USP7: variants seen among roughly 807,000 people sequenced by gnomAD.
The protein encoded by USP7 is ubiquitin C-terminal hydrolase 7.
In USP7, 9 loss-of-function variants were observed where a neutral mutation model predicts 162.9. The observed-to-expected ratio is 0.06, with a 90% CI of 0.03 to 0.10. The LOEUF (loss-of-function observed/expected upper bound fraction) is 0.10. Among genes scored for constraint, USP7 ranks in the 10% least tolerant of loss-of-function variants. USP7 has a pLI of 1.00. For synonymous variants in USP7, 562 were observed against 475.9 expected, an observed-to-expected ratio of 1.18 and a Z score of -2.35; for missense variants, 715 against 1,373.7, an observed-to-expected ratio of 0.52 and a Z score of 7.58.
chr16:8,934,022 T>C (rs2141237499), intron 1 of USP7, among the ~76,000 whole-genome samples: 1 of 152,242 alleles, frequency 6.6e-6, no homozygotes, highest in South Asian at 2.1e-4. Context: ...CTCCCAAAAG[T>C]GCTGAGATTA....
chr16:8,924,263 GCA>G (rs1172779122), intron 2 of USP7, among the ~76,000 whole-genome samples: 1 of 152,198 alleles, frequency 6.6e-6, no homozygotes, highest in Non-Finnish European at 1.5e-5. Flanking sequence ...TCCTGCGAAG[GCA>G]CAGTCCTCCC....
intron 2 of USP7, among the ~76,000 whole-genome samples, chr16:8,923,952 T>C (rs1019805103): frequency 6.6e-6 from 1 of 152,166 alleles, no homozygotes; most frequent in African/African-American, 2.4e-5. Context: ...AATGCTAACC[T>C]CATTGGTTCA....
intron 3 of USP7, among the ~76,000 whole-genome samples, chr16:8,922,300 C>T (rs1348369774): frequency 6.6e-6 from 1 of 152,160 alleles, no homozygotes; most frequent in Admixed American, 6.5e-5. Flanking sequence ...ACCAGCCTGG[C>T]CAACATGGTG....
chr16:8,932,100 T>C (rs1032909906), intron 1 of USP7, among the ~76,000 whole-genome samples: 2 of 152,094 alleles, frequency 1.3e-5, no homozygotes, highest in African/African-American at 4.8e-5. Context: ...ACGCTTAGAT[T>C]ACATCATAAA....
intron 1 of USP7, among the ~76,000 whole-genome samples, chr16:8,952,244 T>C (rs1899587399): frequency 6.6e-6 from 1 of 152,012 alleles, no homozygotes; most frequent in Non-Finnish European, 1.5e-5. Flanking sequence ...GGAGAGCCTG[T>C]CTCCAAAAAA....
intron 23 of USP7, 118 bp from the exon 24 acceptor site, chr16:8,898,757 A>C: frequency 1.3e-6 from 1 of 790,010 alleles, no homozygotes; most frequent in South Asian, 1.9e-5. Flanking sequence ...ATTTGGACCT[A>C]GCATGGGGTT....
intron 2 of USP7, among the ~76,000 whole-genome samples, chr16:8,925,966 A>G (rs540783981): frequency 1.7e-3 from 251 of 151,202 alleles, no homozygotes; most frequent in Non-Finnish European, 1.6e-3. Flanking sequence ...CATCCTGGCT[A>G]ACACGGTCAA....
chr16:8,963,268 C>T lies in USP7; in HGVS notation c.18G>A (p.Gln6=), dbSNP rs1361716710. Residue 6 remains glutamine, a synonymous_variant, in exon 1 of 31, where the codon CAG becomes CAA. Transcript: ENST00000344836. MNHQQ[Q]QQQQKAGEQQ... ...GCTCGCCCGCTTTCTGCTGCTGCTGCTGCTGCTGGTGGTTCATGTCGGCCG... is the reference window on the plus strand; with the variant it reads ...GCTCGCCCGCTTTCTGCTGCTGCTGTTGCTGCTGGTGGTTCATGTCGGCCG... 4 of 1,358,852 alleles carry T rather than the reference C, an allele frequency of 2.9e-6. No individual in the cohort carries two copies. Among genetic ancestry groups the T allele is most frequent in the Non-Finnish European group, 3.8e-6 (4 of 1,042,716 alleles). 84.2% of individuals were successfully genotyped at this position (1,358,852 alleles called of 1,614,324 possible). A position where few individuals can be genotyped will look rare whatever the true frequency, so the allele number is the denominator to read the frequency against.
At chr16:8,944,387 A>C (rs1166615513) in intron 1 of USP7, among the ~76,000 whole-genome samples, 1 of 152,298 alleles carries the variant, frequency 6.6e-6, no homozygotes, top group East Asian at 1.9e-4. Context: ...TGGAAGGTCC[A>C]TTTACACCTT....
At chr16:8,958,409 G>C (rs916677982) in intron 1 of USP7, among the ~76,000 whole-genome samples, 1 of 152,356 alleles carries the variant, frequency 6.6e-6, no homozygotes, top group South Asian at 2.1e-4. Context: ...CTGTAGAGAA[G>C]GCAGGACACC....
intron 8 of USP7, 144 bp downstream of exon 8, chr16:8,916,358 T>G (rs1897368406): frequency 1.3e-6 from 1 of 781,074 alleles, no homozygotes; most frequent in Admixed American, 3.1e-5. Context: ...ACTAGACATC[T>G]GCTGCCTTTT....
intron 2 of USP7, among the ~76,000 whole-genome samples, chr16:8,926,379 C>A (rs1304284690): frequency 6.6e-6 from 1 of 151,014 alleles, no homozygotes; most frequent in Non-Finnish European, 1.5e-5. Context: ...CTTGGGAGGT[C>A]GAGGCAGGAG....
intron 1 of USP7, 115 bp downstream of exon 1, chr16:8,963,092 G>A: frequency 1.0e-6 from 1 of 985,970 alleles, no homozygotes; most frequent in East Asian, 5.3e-5. Context: ...CCGAGGCCCG[G>A]CGGCCGCCCG....
At chr16:8,906,616 T>C in intron 12 of USP7, 34 bp from the exon 13 acceptor site, 1 of 1,590,608 alleles carries the variant, frequency 6.3e-7, no homozygotes, top group Non-Finnish European at 8.6e-7. Flanking sequence ...AATTCAGTAT[T>C]AATTTACACA....
rs2061643861 is a variant in USP7, at chr16:8,893,987, C to G, written c.*11G>C. ...CACACCGTCCTCGCCTTGAACACAC[C>G]AGCTTGGAAATCAGTTATGGATTTT... On this transcript the variant is annotated 3_prime_UTR_variant, in exon 31 of 31. Coordinates refer to ENST00000344836, the MANE Select transcript of USP7 (RefSeq NM_003470.3). 1 of 1,613,514 alleles carries G rather than the reference C, an allele frequency of 6.2e-7. No homozygotes were observed. The highest frequency in any genetic ancestry group is 1.1e-5 in the South Asian group (1 of 91,074).
intron 1 of USP7, among the ~76,000 whole-genome samples, chr16:8,950,247 C>T (rs1350000223): frequency 1.3e-5 from 2 of 152,150 alleles, no homozygotes; most frequent in African/African-American, 4.8e-5. Flanking sequence ...ATAATGTTAT[C>T]ACTCAGAGCC....
chr16:8,912,288 C>T (rs1237497725), intron 10 of USP7, among the ~76,000 whole-genome samples: 2 of 151,890 alleles, frequency 1.3e-5, no homozygotes, highest in Non-Finnish European at 2.9e-5. Flanking sequence ...CCCGTCTCTA[C>T]TAAAAATGCA....
rs1465492166 is a variant in USP7 at position 8,897,707 on chromosome 16, A to C, written c.2719-608T>G. On this transcript the variant is annotated intron_variant, in intron 25 of 30. Coordinates refer to ENST00000344836, the MANE Select transcript of USP7 (RefSeq NM_003470.3). ...TGAGACCCTGTCTCTACAAAAAAAA[A>C]AAAAAAAAAAAAAAAAAAAATATAT... Among the ~76,000 whole-genome samples the C allele has an allele frequency of 2.2e-4, 7 of 32,368 alleles. 1 individual carries two copies. The highest frequency in any genetic ancestry group is 6.1e-4 in the African/African-American group (7 of 11,464). 21.2% of individuals were successfully genotyped at this position (32,368 alleles called of 152,430 possible).
chr16:8,935,145 C>T (rs543305290), intron 1 of USP7, among the ~76,000 whole-genome samples: 31 of 151,530 alleles, frequency 2.0e-4, no homozygotes, highest in African/African-American at 7.0e-4. Context: ...GCCACCTTTT[C>T]GGAAGTTTTT....
Sources: allele counts gnomAD v4.1 joint callset (sites outside exome capture counted in the v4.1 genomes callset), GRCh38; gene constraint gnomAD v4.1.1; transcripts MANE v1.5; gene names NCBI Gene and HGNC (gene_info 2026-07-23, HGNC 2026-07-21).